The following FRA10AC1 variants were observed in gnomAD, a reference collection of about 807,000 sequenced individuals.
The protein encoded by FRA10AC1 is FRA10A associated CGG repeat 1, also known as protein FRA10AC1.
Under a neutral mutation model 56.5 loss-of-function variants are expected in FRA10AC1, and 43 were observed. The ratio of observed to expected loss-of-function variants is 0.76; its 90% CI spans 0.60 to 0.98. The LOEUF is 0.98. Ranked by LOEUF, FRA10AC1 falls within the 50% of genes least tolerant of loss-of-function variation. The pLI, the probability that FRA10AC1 is intolerant of heterozygous loss-of-function variation, is 0.00. For missense variants in FRA10AC1, 346 were observed against 351.8 expected, an observed-to-expected ratio of 0.98 and a Z score of 0.13; for synonymous variants, 112 against 110.5, an observed-to-expected ratio of 1.01 and a Z score of -0.09.
At chr10:93,671,797 A>T in intron 12 of FRA10AC1, 1 of 304,676 alleles carries the variant, frequency 3.3e-6, no homozygotes, top group South Asian at 3.0e-5. Context: ...AGTTTGCAAA[A>T]GCCAACCAAA....
chr10:93,699,878 T>A, intron 2 of FRA10AC1, 152 bp downstream of exon 2: 1 of 473,808 alleles, frequency 2.1e-6, no homozygotes, highest in East Asian at 3.4e-5. Flanking sequence ...CAATTTTTAA[T>A]CAATGTATTA....
At chr10:93,696,390 C>T (rs2059236154) in intron 4 of FRA10AC1, among the ~76,000 whole-genome samples, 1 of 152,184 alleles carries the variant, frequency 6.6e-6, no homozygotes, top group Non-Finnish European at 1.5e-5. Flanking sequence ...CTACTCTTGT[C>T]AAACAACCCA....
intron 4 of FRA10AC1, 151 bp downstream of exon 4, chr10:93,697,985 C>T (rs2059260840): frequency 6.3e-6 from 3 of 479,380 alleles, no homozygotes; most frequent in African/African-American, 4.1e-5. Flanking sequence ...AGAATTGTAC[C>T]CAAAAGTATA....
rs530658626 is a variant in FRA10AC1, at chr10:93,694,278, A to G, written c.296+583T>C. On this transcript the variant is annotated intron_variant, in intron 5 of 13. Coordinates refer to ENST00000359204, the MANE Select transcript of FRA10AC1 (RefSeq NM_145246.5). ...TCAAAGATCTTTGCCAAGAAGACAC[A>G]TGAGTATTCTTCAGATATTCTTTTA... Among the ~76,000 whole-genome samples the G allele has an allele frequency of 7.2e-5, 11 of 152,226 alleles. No individual in the cohort carries two copies. In the South Asian group the frequency reaches 2.3e-3, roughly 32 times the overall value.
At position 93,668,032 on chromosome 10, in the gene FRA10AC1, C is replaced by A. The variant is rs1406530671; in HGVS notation, c.*1794G>T. ...TAGATGGTTCCTTTACAGCCATGCC[C>A]AGCTCAGTGCCTCACATATAATAGA... On this transcript the variant is annotated 3_prime_UTR_variant, in exon 14 of 14. Transcript: ENST00000359204. 3 of 152,126 alleles carry A rather than the reference C, an allele frequency of 2.0e-5. No individual in the cohort carries two copies. In the East Asian group the frequency reaches 5.8e-4, roughly 29 times the overall value. 9.4% of individuals were successfully genotyped at this position (152,126 alleles called of 1,614,324 possible).
At chr10:93,672,298 G>A (rs978616544) in intron 12 of FRA10AC1, 3 of 201,808 alleles carry the variant, frequency 1.5e-5, no homozygotes, top group Admixed American at 6.2e-5. Context: ...CAAAAGTGGG[G>A]GAGGGCATTT....
intron 2 of FRA10AC1, among the ~76,000 whole-genome samples, chr10:93,699,396 A>G (rs1277441693): frequency 1.3e-5 from 2 of 152,210 alleles, no homozygotes; most frequent in African/African-American, 4.8e-5. Context: ...TTTGGTTAGT[A>G]TACATCAGTC....
At chr10:93,677,255 G>A (rs754850930) in intron 11 of FRA10AC1, among the ~76,000 whole-genome samples, 8 of 151,996 alleles carry the variant, frequency 5.3e-5, no homozygotes, top group Middle Eastern at 3.2e-3. Context: ...AAATCACCAC[G>A]ATACAGAGCT....
Position 93,698,346 on chromosome 10 carries a change from T to C in FRA10AC1, c.128A>G (p.His43Arg), listed in dbSNP as rs1045147141. 5.0e-6 allele frequency: 8 copies of C among 1,612,162 alleles called. No homozygotes were observed. The African/African-American group carries it at 6.7e-5, about 13-fold the overall frequency. ...LLQKPFQKEK[H>R]GKVAHKQVAA... The stretch of plus-strand genomic sequence containing the variant: ...AACTTGTTTATGGGCCACCTTTCCA[T>C]GTTTTTCTTTCTGAAATGGTTTTTG... Residue 43 changes from histidine (H) to arginine (R), a missense_variant, in exon 3 of 14, where the codon CAT (histidine) becomes CGT (arginine). By Grantham distance (29) the His-to-Arg change is conservative. Transcript: ENST00000359204.
chr10:93,667,950 C>T lies in FRA10AC1; in HGVS notation c.*1876G>A, dbSNP rs541075345. The T allele has an allele frequency of 6.6e-6, 1 of 152,086 alleles. No homozygotes were observed. The highest frequency in any genetic ancestry group is 2.4e-5 in the African/African-American group (1 of 41,408). 9.4% of individuals were successfully genotyped at this position (152,086 alleles called of 1,614,324 possible). ...TCAAACAATGTTAAACACTGATAAACCCAACACTGATTTACTTTTCTGAAA... is the reference window on the plus strand; with the variant it reads ...TCAAACAATGTTAAACACTGATAAATCCAACACTGATTTACTTTTCTGAAA... On this transcript the variant is annotated 3_prime_UTR_variant, in exon 14 of 14. Coordinates refer to ENST00000359204, the MANE Select transcript of FRA10AC1 (RefSeq NM_145246.5).
chr10:93,694,552 A>G (rs898523642), intron 5 of FRA10AC1, among the ~76,000 whole-genome samples: 1 of 151,864 alleles, frequency 6.6e-6, no homozygotes, highest in Admixed American at 6.6e-5. Flanking sequence ...CGTCTCTACT[A>G]AAAATACAAA....
At chr10:93,697,035 G>A (rs1304768871) in intron 4 of FRA10AC1, among the ~76,000 whole-genome samples, 2 of 151,954 alleles carry the variant, frequency 1.3e-5, no homozygotes, top group Admixed American at 6.6e-5. Flanking sequence ...AATCCTGCAC[G>A]TTCTGCACAT....
At chr10:93,673,640 T>C (rs1465002323) in intron 12 of FRA10AC1, 2 of 354,364 alleles carry the variant, frequency 5.6e-6, no homozygotes, top group Non-Finnish European at 1.1e-5. Context: ...GACTTAACTT[T>C]TGATTTCATC....
chr10:93,685,582 A>T, intron 8 of FRA10AC1: 2 of 314,826 alleles, frequency 6.4e-6, no homozygotes, highest in Admixed American at 5.2e-5. Flanking sequence ...GATAGACTGT[A>T]TTTAGATAGA....
chr10:93,680,698 G>A (rs531939481), intron 11 of FRA10AC1, among the ~76,000 whole-genome samples: 4 of 152,208 alleles, frequency 2.6e-5, no homozygotes, highest in East Asian at 1.9e-4. Context: ...AATTACAGCC[G>A]ATTGACTCTA....
chr10:93,689,582 G>A lies in FRA10AC1; in HGVS notation c.466-2133C>T, dbSNP rs564302850. On this transcript the variant is annotated intron_variant, in intron 7 of 13. Transcript: ENST00000359204. ...ATCTATTCAACAGACAACTTATTAA[G>A]CAACTACCTATTGGGCTTGGCATTC... Among the ~76,000 whole-genome samples the A allele has an allele frequency of 5.9e-5, 9 of 152,148 alleles. No individual in the cohort carries two copies. The South Asian group carries it at 1.9e-3, about 32-fold the overall frequency.
intron 7 of FRA10AC1, among the ~76,000 whole-genome samples, chr10:93,691,611 T>TA (rs2059125635): frequency 1.3e-5 from 2 of 152,256 alleles, no homozygotes; most frequent in African/African-American, 2.4e-5. Context: ...TGGATCTCTA[T>TA]AAATGGTAAT....
rs537318715 is a variant in FRA10AC1 at position 93,698,711 on chromosome 10, CTT to C, written c.78-317_78-316del. ...CTTAATAAGATTCAATTATTTATCT[CTT>C]TGTTTCTTCATTTCTCTATCTGTAA... On this transcript the variant is annotated intron_variant, in intron 2 of 13. Coordinates refer to ENST00000359204, the MANE Select transcript of FRA10AC1 (RefSeq NM_145246.5). 3.8e-3 allele frequency among the ~76,000 whole-genome samples: 579 copies of C among 152,230 alleles called. 1 individual carries two copies. Among genetic ancestry groups the C allele is most frequent in the Non-Finnish European group, 6.1e-3 (413 of 68,012 alleles).
At chr10:93,675,592 C>G in intron 12 of FRA10AC1, 1 of 280,080 alleles carries the variant, frequency 3.6e-6, no homozygotes, top group South Asian at 2.9e-5. Flanking sequence ...GCAGTCCCGG[C>G]GACTTGGGAG....
Sources: gnomAD v4.1 joint callset for allele counts (sites outside exome capture counted in the v4.1 genomes callset) on GRCh38, gnomAD v4.1.1 for gene constraint, MANE v1.5 for transcripts, NCBI Gene and HGNC (gene_info 2026-07-23, HGNC 2026-07-21) for gene names.